PPP6R2: variants seen among roughly 807,000 people sequenced by gnomAD.
PPP6R2 encodes the protein protein phosphatase 6 regulatory subunit 2.
In PPP6R2, 62 loss-of-function variants were observed where a neutral mutation model predicts 100.2. The ratio of observed to expected loss-of-function variants is 0.62; its 90% confidence interval spans 0.50 to 0.76. The LOEUF is 0.76. PPP6R2 is among the 30% of genes least tolerant of loss of function. The pLI is 0.00. For synonymous variants in PPP6R2, 525 were observed against 514.7 expected (o/e 1.02, Z -0.27); for missense variants, 1,142 against 1,276.3 (o/e 0.89, Z 1.60).
At chr22:50,416,690 C>T (rs913910726) in intron 6 of PPP6R2, among the ~76,000 whole-genome samples, 11 of 151,508 alleles carry the variant, frequency 7.3e-5, no homozygotes, top group East Asian at 2.0e-4. Flanking sequence ...AGGACAGGCG[C>T]GGTGGCTCAT....
At position 50,400,147 on chromosome 22, in the gene PPP6R2, C is replaced by T. The variant is rs573456176; in HGVS notation, c.227+6012C>T. Among the ~76,000 whole-genome samples the T allele has an allele frequency of 3.9e-5, 6 of 152,322 alleles. No homozygotes were observed. In the East Asian group the frequency reaches 1.2e-3, roughly 29 times the overall value. ...GGCCCCCAGGAAGCACCCCCTGCCGCAGAGAGACTTGCTGCACTCAGGGCA... is the reference window on the plus strand; with the variant it reads ...GGCCCCCAGGAAGCACCCCCTGCCGTAGAGAGACTTGCTGCACTCAGGGCA... On this transcript the variant is annotated intron_variant, in intron 3 of 23. Transcript: ENST00000612753.
intron 2 of PPP6R2, among the ~76,000 whole-genome samples, chr22:50,392,507 G>T (rs554783189): frequency 7.9e-5 from 12 of 152,346 alleles, no homozygotes; most frequent in Non-Finnish European, 7.4e-5. Context: ...GCCCAGTGGT[G>T]TGTATAGATC....
the PPP6R2 span, among the ~76,000 whole-genome samples, chr22:50,332,262 C>G: frequency 6.7e-6 from 1 of 148,388 alleles, no homozygotes; most frequent in South Asian, 2.1e-4. Context: ...GAGTCTTGCT[C>G]TGTTGCCCAG....
At chr22:50,332,156 T>A in the PPP6R2 span, among the ~76,000 whole-genome samples, 9 of 152,268 alleles carry the variant, frequency 5.9e-5, no homozygotes, top group South Asian at 1.7e-3. Context: ...GGATTATGGT[T>A]TTGGTGTCAT....
At chr22:50,376,279 C>G (rs570516501) in intron 2 of PPP6R2, among the ~76,000 whole-genome samples, 1 of 151,890 alleles carries the variant, frequency 6.6e-6, no homozygotes, top group Admixed American at 6.6e-5. Context: ...ATGATTGCAC[C>G]GCTGCACTCC....
At chr22:50,438,397 C>A in intron 18 of PPP6R2, 99 bp downstream of exon 18, 1 of 1,528,980 alleles carries the variant, frequency 6.5e-7, no homozygotes, top group Non-Finnish European at 8.8e-7. Flanking sequence ...GCTTGCAGAG[C>A]AGCCACACCT....
intron 1 of PPP6R2, among the ~76,000 whole-genome samples, chr22:50,360,825 T>A (rs900263600): frequency 6.6e-6 from 1 of 152,212 alleles, no homozygotes; most frequent in East Asian, 1.9e-4. Flanking sequence ...CTCTCTCAGG[T>A]TTGGCACTGT....
intron 1 of PPP6R2, among the ~76,000 whole-genome samples, chr22:50,356,026 G>T (rs1352843132): frequency 6.7e-6 from 1 of 149,508 alleles, no homozygotes. Context: ...GCAGTGGCGC[G>T]ATCTCGGCTC....
intron 8 of PPP6R2, among the ~76,000 whole-genome samples, chr22:50,419,785 G>A (rs1057477577): frequency 7.2e-5 from 11 of 152,168 alleles, no homozygotes; most frequent in Admixed American, 1.3e-4. Context: ...CACAGCTCCC[G>A]TGTGTGTTTG....
At chr22:50,340,138 AGT>A (rs1477700936), upstream of PPP6R2, among the ~76,000 whole-genome samples, 3 of 49,332 alleles carry the variant, frequency 6.1e-5, no homozygotes, top group South Asian at 1.1e-3. Flanking sequence ...TGGTGTGTAC[AGT>A]GTGTGGTGTG....
At chr22:50,349,882 C>T (rs1003507312) in intron 1 of PPP6R2, among the ~76,000 whole-genome samples, 3 of 150,882 alleles carry the variant, frequency 2.0e-5, no homozygotes, top group African/African-American at 7.3e-5. Context: ...GTTTGGGAGG[C>T]CGAGGCGGGT....
At chr22:50,339,523 ATGTGGTG>A (rs1246712924), upstream of PPP6R2, among the ~76,000 whole-genome samples, 27 of 35,674 alleles carry the variant, frequency 7.6e-4, no homozygotes, top group East Asian at 5.2e-3. Flanking sequence ...TGTGTGTGGT[ATGTGGTG>A]TGTGGTGTGT....
intron 2 of PPP6R2, among the ~76,000 whole-genome samples, chr22:50,374,059 A>G (rs2050903136): frequency 6.6e-6 from 1 of 152,106 alleles, no homozygotes; most frequent in South Asian, 2.1e-4. Flanking sequence ...TTTAAAAACA[A>G]TTTTTTTAGA....
intron 1 of PPP6R2, among the ~76,000 whole-genome samples, chr22:50,365,134 C>T (rs1192998615): frequency 6.7e-6 from 1 of 148,590 alleles, no homozygotes; most frequent in Non-Finnish European, 1.5e-5. Context: ...TGTAATGGCG[C>T]AATCTCGGCT....
At chr22:50,334,831 G>A in the PPP6R2 span, among the ~76,000 whole-genome samples, 1 of 152,136 alleles carries the variant, frequency 6.6e-6, no homozygotes, top group East Asian at 1.9e-4. Flanking sequence ...GCTGGGTGTG[G>A]TGTCGCGTGC....
chr22:50,424,834 G>T (rs976996280), intron 10 of PPP6R2, among the ~76,000 whole-genome samples: 1 of 151,868 alleles, frequency 6.6e-6, no homozygotes, highest in African/African-American at 2.4e-5. Context: ...TAGAGACGGG[G>T]TTTCACCGTG....
chr22:50,394,223 A>T (rs950846037), intron 3 of PPP6R2, 88 bp downstream of exon 3: 5 of 1,531,000 alleles, frequency 3.3e-6, no homozygotes, highest in Admixed American at 2.0e-5. Context: ...ATAGTTGGGG[A>T]TTTCTGATGA....
At chr22:50,369,338 A>G (rs2049473150) in intron 1 of PPP6R2, among the ~76,000 whole-genome samples, 1 of 152,156 alleles carries the variant, frequency 6.6e-6, no homozygotes, top group South Asian at 2.1e-4. Context: ...CTTAATTTTA[A>G]TCATGAAGTG....
chr22:50,343,476 C>T lies in PPP6R2; in HGVS notation c.-222C>T, dbSNP rs1452751283. On this transcript the variant is annotated 5_prime_UTR_variant, in exon 1 of 24. Coordinates refer to ENST00000612753, the MANE Select transcript of PPP6R2 (RefSeq NM_001242898.2). The stretch of plus-strand genomic sequence containing the variant: ...CGAGGCCGCCCGGGCTTTGCCTCCA[C>T]CAGCGCCCTGGCCTCCGCTCGGGCC... 1 of 151,580 alleles carries T rather than the reference C, an allele frequency of 6.6e-6. No individual in the cohort carries two copies. Among genetic ancestry groups the T allele is most frequent in the East Asian group, 1.9e-4 (1 of 5,164 alleles). The allele number at this position is 151,580 out of a possible 1,614,324, so 9.4% of individuals were successfully genotyped here.
Sources: allele counts gnomAD v4.1 joint callset (sites outside exome capture counted in the v4.1 genomes callset), GRCh38; gene constraint gnomAD v4.1.1; transcripts MANE v1.5; gene names NCBI Gene and HGNC (gene_info 2026-07-23, HGNC 2026-07-21).